The following CTIF variants were observed in gnomAD, a reference collection of about 807,000 sequenced individuals.
The protein encoded by CTIF is cap binding complex dependent translation initiation factor.
CTIF carries 21 observed loss-of-function variants against 66.0 expected under a neutral mutation model. The observed-to-expected ratio is 0.32, with a 90% CI of 0.23 to 0.46. The LOEUF (loss-of-function observed/expected upper bound fraction) is 0.46. Ranked by LOEUF, CTIF falls within the 20% of genes least tolerant of loss-of-function variation. The pLI is 1.00. For synonymous variants in CTIF, 345 were observed against 326.4 expected (o/e 1.06, Z -0.62); for missense variants, 739 against 812.7 (o/e 0.91, Z 1.10).
At chr18:48,793,362 T>G (rs2067835750) in intron 9 of CTIF, among the ~76,000 whole-genome samples, 1 of 152,202 alleles carries the variant, frequency 6.6e-6, no homozygotes, top group African/African-American at 2.4e-5. Flanking sequence ...AAATTTCAGC[T>G]TTGGGAAACT....
intron 1 of CTIF, among the ~76,000 whole-genome samples, chr18:48,607,129 G>A (rs2090216462): frequency 6.6e-6 from 1 of 152,224 alleles, no homozygotes; most frequent in African/African-American, 2.4e-5. Flanking sequence ...TTGAGCAGGA[G>A]TTTCCCTCCC....
intron 9 of CTIF, among the ~76,000 whole-genome samples, chr18:48,811,929 T>C (rs1305410572): frequency 6.6e-6 from 1 of 152,192 alleles, no homozygotes; most frequent in Non-Finnish European, 1.5e-5. Flanking sequence ...CTGGATCATA[T>C]AGTAATTCTG....
At chr18:48,804,252 G>A (rs540675769) in intron 9 of CTIF, among the ~76,000 whole-genome samples, 75 of 152,344 alleles carry the variant, frequency 4.9e-4, no homozygotes, top group African/African-American at 1.7e-3. Flanking sequence ...GTCCCAGGGC[G>A]GAGGCTGCAG....
At chr18:48,749,154 CAAGGA>C (rs763467940) in intron 7 of CTIF, among the ~76,000 whole-genome samples, 13 of 152,176 alleles carry the variant, frequency 8.5e-5, no homozygotes, top group Non-Finnish European at 1.5e-4. Flanking sequence ...TTAAAACAGG[CAAGGA>C]AAGAGTGACT....
rs2090706629 is a variant in CTIF at position 48,631,221 on chromosome 18, T to TGG, written c.181-5391_181-5390dup. Among the ~76,000 whole-genome samples, 4 of 152,286 alleles carry TGG rather than the reference T, an allele frequency of 2.6e-5. No individual in the cohort carries two copies. In the South Asian group the frequency reaches 6.2e-4, roughly 24 times the overall value. The stretch of plus-strand genomic sequence containing the variant: ...GGCTCCCACCTGTAATCCTAGCACT[T>TGG]GGGAGGCCAAGGCAGGTGGATCACC... On this transcript the variant is annotated intron_variant, in intron 2 of 11. Transcript: ENST00000256413.
intron 9 of CTIF, among the ~76,000 whole-genome samples, chr18:48,799,234 G>A (rs1201173489): frequency 6.6e-6 from 1 of 152,226 alleles, no homozygotes; most frequent in Non-Finnish European, 1.5e-5. Flanking sequence ...AGTTCACAAG[G>A]AGGTTGTATA....
chr18:48,638,404 C>T (rs559865765), intron 3 of CTIF, among the ~76,000 whole-genome samples: 9 of 152,292 alleles, frequency 5.9e-5, no homozygotes, highest in African/African-American at 2.2e-4. Context: ...TTTCTGGGGG[C>T]TTGTCTGCTG....
intron 7 of CTIF, among the ~76,000 whole-genome samples, chr18:48,754,060 G>C (rs956006697): frequency 6.6e-6 from 1 of 152,338 alleles, no homozygotes; most frequent in African/African-American, 2.4e-5. Context: ...TCCATTGCTG[G>C]GGAACGAGGC....
chr18:48,820,501 C>T (rs560235288), intron 10 of CTIF, among the ~76,000 whole-genome samples: 17 of 152,126 alleles, frequency 1.1e-4, no homozygotes, highest in Non-Finnish European at 1.9e-4. Context: ...ACTCCCAGAA[C>T]CACCCGCAGG....
Position 48,603,474 on chromosome 18 carries a change from G to C in CTIF, c.-28-16064G>C, listed in dbSNP as rs139930857. 6.8e-4 allele frequency among the ~76,000 whole-genome samples: 83 copies of C among 122,174 alleles called. 2 individuals are homozygous for C. The highest frequency in any genetic ancestry group is 2.4e-3 in the African/African-American group (68 of 28,502). The allele number at this position is 122,174 out of a possible 152,430, so 80.2% of individuals were successfully genotyped here. On this transcript the variant is annotated intron_variant, in intron 1 of 11. Transcript: ENST00000256413. ...GGATAGGTGAGTGAATGGATGGCTA[G>C]ATGGGTGGGTGGGTGGGTGGGTGGG...
chr18:48,568,656 A>G (rs991332011), intron 1 of CTIF, among the ~76,000 whole-genome samples: 3 of 145,150 alleles, frequency 2.1e-5, no homozygotes, highest in Admixed American at 7.0e-5. Flanking sequence ...AAAAAAAAAA[A>G]AAAAAAAAAA....
chr18:48,737,847 A>G (rs1487954617), intron 7 of CTIF, among the ~76,000 whole-genome samples: 1 of 152,228 alleles, frequency 6.6e-6, no homozygotes, highest in Non-Finnish European at 1.5e-5. Context: ...TAAATGTTTC[A>G]CATAATTGTA....
At chr18:48,823,976 CCA>C (rs35554666) in intron 10 of CTIF, among the ~76,000 whole-genome samples, 31,923 of 124,054 alleles carry the variant, frequency 0.26, 3,746 homozygotes, top group Non-Finnish European at 0.33. Context: ...CCTAAAGACT[CCA>C]CACACACACA....
At chr18:48,543,046 C>A (rs2088657705) in intron 1 of CTIF, among the ~76,000 whole-genome samples, 1 of 152,242 alleles carries the variant, frequency 6.6e-6, no homozygotes, top group Non-Finnish European at 1.5e-5. Context: ...CCTTACAGGT[C>A]TGTGTAGGTG....
Position 48,559,464 on chromosome 18 carries a change from T to C in CTIF, c.-29+20152T>C, listed in dbSNP as rs184894009. 3.1e-4 allele frequency among the ~76,000 whole-genome samples: 47 copies of C among 152,266 alleles called. No homozygotes were observed. In the East Asian group the frequency reaches 7.9e-3, roughly 26 times the overall value. On this transcript the variant is annotated intron_variant, in intron 1 of 11. Coordinates refer to ENST00000256413, the MANE Select transcript of CTIF (RefSeq NM_014772.3). ...TAGAATTTAAGAGCCTAGTTTTAGG[T>C]ATTCTAGTTACTGTAGGCTGTGTGA...
rs1329580972 is a variant in CTIF at position 48,719,831 on chromosome 18, C to T, written c.584+8136C>T. Among the ~76,000 whole-genome samples the T allele has an allele frequency of 5.3e-5, 8 of 152,258 alleles. No individual in the cohort carries two copies. In the East Asian group the frequency reaches 7.7e-4, roughly 15 times the overall value. On this transcript the variant is annotated intron_variant, in intron 7 of 11. Transcript: ENST00000256413. ...TGAAGTGCCGTCTACTGTTCTTAAG[C>T]GCAAGGAGGCTGTGATGTGCCTTCC...
intron 2 of CTIF, among the ~76,000 whole-genome samples, chr18:48,620,355 T>C (rs967658884): frequency 6.6e-5 from 10 of 152,120 alleles, no homozygotes; most frequent in Admixed American, 6.5e-5. Context: ...ATCTGAAAGA[T>C]TGTGAGCTGA....
At chr18:48,647,107 C>A (rs1439259689) in intron 3 of CTIF, among the ~76,000 whole-genome samples, 1 of 152,192 alleles carries the variant, frequency 6.6e-6, no homozygotes, top group African/African-American at 2.4e-5. Flanking sequence ...TGGTTAAACA[C>A]TCAGCAATGA....
chr18:48,713,051 C>T (rs767826786), intron 7 of CTIF, among the ~76,000 whole-genome samples: 1 of 152,194 alleles, frequency 6.6e-6, no homozygotes, highest in Non-Finnish European at 1.5e-5. Flanking sequence ...CTGCCTTGAC[C>T]AGAGTACAGT....
Sources: allele counts gnomAD v4.1 joint callset (sites outside exome capture counted in the v4.1 genomes callset), GRCh38; gene constraint gnomAD v4.1.1; transcripts MANE v1.5; gene names NCBI Gene and HGNC (gene_info 2026-07-23, HGNC 2026-07-21).